Variants in SDK2 observed in about 807,000 individuals in gnomAD.
The protein encoded by SDK2 is protein sidekick-2.
A neutral mutation model predicts 253.9 loss-of-function variants in SDK2; 105 were observed. The observed-to-expected ratio is 0.41, with a 90% CI of 0.35 to 0.49. SDK2 has a LOEUF of 0.49. Among genes scored for constraint, SDK2 ranks in the 20% least tolerant of loss-of-function variants. The probability of loss-of-function intolerance (pLI) is 0.06; values close to 1 mark genes in which losing one functional copy is unlikely to be tolerated. For missense variants in SDK2, 2,608 were observed against 3,003.0 expected (o/e 0.87, Z 3.07); for synonymous variants, 1,249 against 1,234.9 (o/e 1.01, Z -0.24).
chr17:73,463,210 G>A (rs920414850), intron 3 of SDK2, among the ~76,000 whole-genome samples: 3 of 152,218 alleles, frequency 2.0e-5, no homozygotes, highest in African/African-American at 7.2e-5. Context: ...CTGCAGGGCT[G>A]ATCCAACATT....
rs185568229 is a variant in SDK2 at position 73,381,060 on chromosome 17, C to T, written c.4706-110G>A. The T allele has an allele frequency of 6.8e-4, 466 of 686,268 alleles. 3 individuals are homozygous for T. In the African/African-American group the frequency reaches 7.3e-3, roughly 11 times the overall value. The allele number at this position is 686,268 out of a possible 1,614,324, so 42.5% of individuals were successfully genotyped here. A position where few individuals can be genotyped will look rare whatever the true frequency, so the allele number is the denominator to read the frequency against. ...AGAAACCCCGGCCAGGCGGGGCTGA[C>T]GGCGTGAACAGACAGGAAGAGTGTT... On this transcript the variant is annotated intron_variant, in intron 33 of 44. Coordinates refer to ENST00000392650, the MANE Select transcript of SDK2 (RefSeq NM_001144952.2).
intron 8 of SDK2, among the ~76,000 whole-genome samples, chr17:73,437,442 T>C (rs906399676): frequency 6.6e-6 from 1 of 152,136 alleles, no homozygotes; most frequent in African/African-American, 2.4e-5. Context: ...TAATTTGTCA[T>C]TGTCTACAGC....
intron 16 of SDK2, among the ~76,000 whole-genome samples, chr17:73,418,092 C>T (rs1370458776): frequency 1.4e-5 from 2 of 143,522 alleles, no homozygotes; most frequent in African/African-American, 5.1e-5. Context: ...ACTGCAACCT[C>T]TGCCTCCTGG....
Position 73,379,368 on chromosome 17 carries a change from C to A in SDK2, c.4865-76G>T, listed in dbSNP as rs753306719. ...GAGGTGGGCTGGGCGGGATGGGGAG[C>A]CCAGATCCCGTTTCTTCCAGCTGAA... On this transcript the variant is annotated intron_variant, in intron 35 of 44. Coordinates refer to ENST00000392650, the MANE Select transcript of SDK2 (RefSeq NM_001144952.2). This position sits in a 1 kb window ranked among gnomAD's most constrained non-coding sequence, Gnocchi z 4.5. 2.0e-6 allele frequency: 3 copies of A among 1,479,454 alleles called. No homozygotes were observed. The highest frequency in any genetic ancestry group is 2.8e-6 in the Non-Finnish European group (3 of 1,076,416). The allele number at this position is 1,479,454 out of a possible 1,614,324, so 91.6% of individuals were successfully genotyped here. A position where few individuals can be genotyped will look rare whatever the true frequency, so the allele number is the denominator to read the frequency against.
chr17:73,443,593 C>CTCGT lies in SDK2; in HGVS notation c.614-2674_614-2671dup, dbSNP rs2063431553. 6.6e-6 allele frequency among the ~76,000 whole-genome samples: 1 copy of CTCGT among 152,202 alleles called. No homozygotes were observed. The highest frequency in any genetic ancestry group is 2.4e-5 in the African/African-American group (1 of 41,458). The stretch of plus-strand genomic sequence containing the variant: ...GGGCTGCCCCAGGGCTCAGGGCTGG[C>CTCGT]TCGTTGGCTCTGGAAGGAATGGAGG... On this transcript the variant is annotated intron_variant, in intron 5 of 44. Coordinates refer to ENST00000392650, the MANE Select transcript of SDK2 (RefSeq NM_001144952.2). This position sits in a 1 kb window ranked among gnomAD's most constrained non-coding sequence, Gnocchi z 4.6.
intron 1 of SDK2, among the ~76,000 whole-genome samples, chr17:73,586,472 G>A (rs186543341): frequency 1.8e-4 from 27 of 152,074 alleles, no homozygotes; most frequent in East Asian, 1.9e-4. Flanking sequence ...CAGTGTACTC[G>A]CCATAAATTA....
At chr17:73,546,110 G>A (rs957925941) in intron 1 of SDK2, among the ~76,000 whole-genome samples, 1 of 152,066 alleles carries the variant, frequency 6.6e-6, no homozygotes, top group African/African-American at 2.4e-5. Context: ...GTCGGGGGCG[G>A]GGGGTGAGGA....
chr17:73,341,024 G>A (rs1467675223), intron 44 of SDK2, among the ~76,000 whole-genome samples: 2 of 145,984 alleles, frequency 1.4e-5, no homozygotes, highest in African/African-American at 5.0e-5. Flanking sequence ...GATTACAGGC[G>A]TGAGCCACCG....
At chr17:73,436,593 A>AAT (rs1567772154) in intron 8 of SDK2, among the ~76,000 whole-genome samples, 10 of 150,940 alleles carry the variant, frequency 6.6e-5, no homozygotes, top group African/African-American at 2.4e-4. Flanking sequence ...AAAAAAAAAA[A>AAT]AAAAAAAAAG....
At chr17:73,452,190 G>C (rs1291528832) in intron 4 of SDK2, among the ~76,000 whole-genome samples, 1 of 152,128 alleles carries the variant, frequency 6.6e-6, no homozygotes, top group Non-Finnish European at 1.5e-5. Flanking sequence ...AATGAGCACC[G>C]GGGCATGCAT....
At chr17:73,418,281 C>G (rs556739462) in intron 16 of SDK2, among the ~76,000 whole-genome samples, 1 of 152,214 alleles carries the variant, frequency 6.6e-6, no homozygotes, top group African/African-American at 2.4e-5. Context: ...GCTGGGATTA[C>G]AGGCGTGAAA....
intron 12 of SDK2, among the ~76,000 whole-genome samples, chr17:73,429,402 T>C (rs1036607532): frequency 6.6e-6 from 1 of 152,254 alleles, no homozygotes; most frequent in Admixed American, 6.5e-5. Flanking sequence ...CTGCCTTAAG[T>C]GGTCAACACT....
intron 4 of SDK2, among the ~76,000 whole-genome samples, chr17:73,448,653 T>C (rs931118125): frequency 5.9e-5 from 9 of 151,606 alleles, no homozygotes; most frequent in Non-Finnish European, 1.3e-4. Flanking sequence ...CGTGAGCCAC[T>C]GTGCCCAGTC....
chr17:73,366,769 G>A (rs967188900), intron 37 of SDK2, among the ~76,000 whole-genome samples: 3 of 152,096 alleles, frequency 2.0e-5, no homozygotes, highest in African/African-American at 4.8e-5. Context: ...GGAGGGTTAA[G>A]TGTGACAGTG....
chr17:73,342,488 G>A (rs1355559564), intron 44 of SDK2, among the ~76,000 whole-genome samples: 1 of 152,234 alleles, frequency 6.6e-6, no homozygotes, highest in Non-Finnish European at 1.5e-5. Flanking sequence ...AGGAGGCTGG[G>A]GGTCCATCCC....
Position 73,430,606 on chromosome 17 carries a change from G to T in SDK2, c.1488C>A (p.Thr496=), listed in dbSNP as rs1358729984. ...GATCCTGGGGGGGCTTGGTGATGCG[G>T]GTCCGAGCTGAAAGATACAGCGGAG... ...ASADLVVWAR[T]RITKPPQDQS... is the part of the protein sequence containing the mutation. The change falls in exon 12 of 45, where the codon ACC becomes ACA. Residue 496 remains threonine (T), a synonymous_variant. Transcript: ENST00000392650. 12 of 1,564,118 alleles carry T rather than the reference G, an allele frequency of 7.7e-6. No individual in the cohort carries two copies. The highest frequency in any genetic ancestry group is 1.0e-5 in the Non-Finnish European group (12 of 1,153,850).
intron 1 of SDK2, among the ~76,000 whole-genome samples, chr17:73,542,600 G>A (rs1026710095): frequency 3.9e-5 from 6 of 152,174 alleles, no homozygotes; most frequent in East Asian, 3.9e-4. Context: ...TCCCCTCAAC[G>A]AGGAGGGGTG....
At chr17:73,638,217 GCATT>G (rs2046356306) in intron 1 of SDK2, among the ~76,000 whole-genome samples, 1 of 152,164 alleles carries the variant, frequency 6.6e-6, no homozygotes, top group South Asian at 2.1e-4. Flanking sequence ...CCTCCAGTAA[GCATT>G]CATTCATTCA....
intron 1 of SDK2, among the ~76,000 whole-genome samples, chr17:73,613,156 C>T (rs967534666): frequency 1.7e-4 from 26 of 152,174 alleles, no homozygotes; most frequent in African/African-American, 5.8e-4. Flanking sequence ...TCCTGCAGCG[C>T]TAAGTGAGGC....
Sources: allele counts gnomAD v4.1 joint callset (sites outside exome capture counted in the v4.1 genomes callset), GRCh38; gene constraint gnomAD v4.1.1; non-coding constraint Gnocchi (gnomAD v3.1); transcripts MANE v1.5; gene names NCBI Gene and HGNC (gene_info 2026-07-23, HGNC 2026-07-21).